DYRK1A: variants seen among roughly 807,000 people sequenced by gnomAD.
DYRK1A encodes dual specificity tyrosine-phosphorylation-regulated kinase 1A.
DYRK1A carries 9 observed loss-of-function variants against 79.7 expected under a neutral mutation model. The ratio of observed to expected loss-of-function variants is 0.11; its 90% CI spans 0.07 to 0.20. The LOEUF is 0.20. Among genes scored for constraint, DYRK1A ranks in the 10% least tolerant of loss-of-function variants. The probability of loss-of-function intolerance (pLI) is 1.00; values close to 1 mark genes in which losing one functional copy is unlikely to be tolerated. For missense variants in DYRK1A, 622 were observed against 956.0 expected, an observed-to-expected ratio of 0.65 and a Z score of 4.61; for synonymous variants, 349 against 329.7, an observed-to-expected ratio of 1.06 and a Z score of -0.63.
At chr21:37,442,042 T>C (rs1569325023) in intron 2 of DYRK1A, among the ~76,000 whole-genome samples, 1 of 151,918 alleles carries the variant, frequency 6.6e-6, no homozygotes, top group Non-Finnish European at 1.5e-5. Flanking sequence ...TTTAAAAATG[T>C]TGCTGCACCA....
chr21:37,385,459 C>T (rs1406964007), intron 1 of DYRK1A, among the ~76,000 whole-genome samples: 1 of 152,194 alleles, frequency 6.6e-6, no homozygotes, highest in Non-Finnish European at 1.5e-5. Context: ...GCCATGTGGT[C>T]CTTTCTGACA....
At chr21:37,496,022 G>A (rs1314045822) in intron 8 of DYRK1A, 96 bp from the exon 9 acceptor site, 9 of 1,208,422 alleles carry the variant, frequency 7.4e-6, no homozygotes, top group South Asian at 2.9e-5. Flanking sequence ...CAGACACACA[G>A]GAGGTGTGCA....
chr21:37,435,608 AC>A (rs1310967191), intron 2 of DYRK1A, among the ~76,000 whole-genome samples: 1 of 152,226 alleles, frequency 6.6e-6, no homozygotes, highest in East Asian at 1.9e-4. Flanking sequence ...TTAAAATATA[AC>A]TCAGGTAGCA....
intron 2 of DYRK1A, among the ~76,000 whole-genome samples, chr21:37,448,248 A>G (rs1451579292): frequency 6.6e-6 from 1 of 152,200 alleles, no homozygotes; most frequent in African/African-American, 2.4e-5. Context: ...GTTTTTCTAA[A>G]TAGTTTTAGA....
chr21:37,418,097 T>G (rs1029235042), intron 1 of DYRK1A, among the ~76,000 whole-genome samples: 2 of 152,218 alleles, frequency 1.3e-5, no homozygotes, highest in African/African-American at 4.8e-5. Context: ...TATCTGCTTA[T>G]TGTCATATAA....
chr21:37,411,049 TA>T (rs35292922), intron 1 of DYRK1A, among the ~76,000 whole-genome samples: 13,314 of 56,086 alleles, frequency 0.24, 1,422 homozygotes, highest in East Asian at 0.49. Context: ...ATTCTGTCTT[TA>T]AAAAAAAAAA....
In DYRK1A at chr21:37,400,269, A is replaced by C. The variant is rs372787616; in HGVS notation, c.-76-20030A>C. Among the ~76,000 whole-genome samples, 35 of 152,288 alleles carry C rather than the reference A, an allele frequency of 2.3e-4. No homozygotes were observed. In the South Asian group the frequency reaches 6.8e-3, roughly 30 times the overall value. On this transcript the variant is annotated intron_variant, in intron 1 of 11. Transcript: ENST00000647188. ...CATTTAGGGCCCACCTTGATGATGA[A>C]GGATAATCCCCTCATCTCAAGATTC... is the stretch of plus-strand genomic sequence containing the variant.
At chr21:37,397,092 A>G (rs1303507562) in intron 1 of DYRK1A, among the ~76,000 whole-genome samples, 1 of 152,212 alleles carries the variant, frequency 6.6e-6, no homozygotes, top group African/African-American at 2.4e-5. Flanking sequence ...CAGTGTCCTA[A>G]GGCCCAGAAG....
rs369295452 is a variant in DYRK1A at position 37,446,624 on chromosome 21, G to C, written c.11-26060G>C. 4.1e-4 allele frequency among the ~76,000 whole-genome samples: 61 copies of C among 150,458 alleles called. 1 individual carries two copies. In the South Asian group the frequency reaches 0.013, roughly 32 times the overall value. ...TTGAGTGGTGTTTCAGAGTTTACAA[G>C]TGTGCTCACACGTGTTACCTCACGT... On this transcript the variant is annotated intron_variant, in intron 2 of 11. Coordinates refer to ENST00000647188, the MANE Select transcript of DYRK1A (RefSeq NM_001347721.2).
At chr21:37,397,068 T>C (rs1681796461) in intron 1 of DYRK1A, among the ~76,000 whole-genome samples, 1 of 152,184 alleles carries the variant, frequency 6.6e-6, no homozygotes, top group South Asian at 2.1e-4. Context: ...AGAGACAGAA[T>C]AGAAATGCTC....
rs375520848 is a variant in DYRK1A, at chr21:37,374,022, T to C, written c.-77+6394T>C. Among the ~76,000 whole-genome samples the C allele has an allele frequency of 4.8e-4, 73 of 152,342 alleles. 2 individuals are homozygous for C. The highest frequency in any genetic ancestry group is 1.6e-3 in the African/African-American group (66 of 41,576). On this transcript the variant is annotated intron_variant, in intron 1 of 11. Transcript: ENST00000647188. ...GACCGTTATGCAAAATATAAGTAAG[T>C]GGTCAGATTAGAAAAATGTAGCTAT...
chr21:37,501,302 C>G (rs1460580862), intron 9 of DYRK1A: 1 of 151,720 alleles, frequency 6.6e-6, no homozygotes, highest in African/African-American at 2.4e-5. Context: ...TCCCAAGTAG[C>G]TGGGACTACA....
chr21:37,508,291 T>G (rs1452330812), intron 11 of DYRK1A, among the ~76,000 whole-genome samples: 1 of 152,158 alleles, frequency 6.6e-6, no homozygotes, highest in Non-Finnish European at 1.5e-5. Flanking sequence ...TTCCCTACTT[T>G]TTTTCTCCCC....
rs1437217043 is a variant in DYRK1A at position 37,519,743 on chromosome 21, T to TTTTTGTTTTGTTTTGTTTTGTTTTG, written c.*7216_*7217insGTTTTGTTTTGTTTTGTTTTGTTTT. The stretch of plus-strand genomic sequence containing the variant: ...TGAGGTTTGTTGTGGGAAGTTTTTT[T>TTTTTGTTTTGTTTTGTTTTGTTTTG]TTTTTTTTTTTTTTTTGAGGCGGAG... On this transcript the variant is annotated 3_prime_UTR_variant, in exon 12 of 12. Coordinates refer to ENST00000647188, the MANE Select transcript of DYRK1A (RefSeq NM_001347721.2). The TTTTTGTTTTGTTTTGTTTTGTTTTG allele has an allele frequency of 5.5e-5, 4 of 73,346 alleles. No individual in the cohort carries two copies. The highest frequency in any genetic ancestry group is 1.2e-4 in the Admixed American group (1 of 8,304). The allele number at this position is 73,346 out of a possible 1,614,324, so 4.5% of individuals were successfully genotyped here.
intron 1 of DYRK1A, among the ~76,000 whole-genome samples, chr21:37,370,413 TA>T (rs1287568099): frequency 6.6e-6 from 1 of 152,158 alleles, no homozygotes; most frequent in Non-Finnish European, 1.5e-5. Flanking sequence ...AACTGTATTA[TA>T]GGCGAGAAGG....
chr21:37,502,560 T>A (rs2053481816), intron 9 of DYRK1A: 2 of 152,208 alleles, frequency 1.3e-5, no homozygotes, highest in Non-Finnish European at 2.9e-5. Context: ...TGTATTACTT[T>A]TGCATGTTAT....
chr21:37,500,366 A>G (rs1485169070), intron 9 of DYRK1A, among the ~76,000 whole-genome samples: 1 of 152,146 alleles, frequency 6.6e-6, no homozygotes, highest in Non-Finnish European at 1.5e-5. Context: ...TGCTCAGTTC[A>G]ATTTGCTAAT....
chr21:37,370,884 A>G (rs754039139), intron 1 of DYRK1A, among the ~76,000 whole-genome samples: 1 of 152,208 alleles, frequency 6.6e-6, no homozygotes, highest in Admixed American at 6.5e-5. Context: ...TTGCTCTGTG[A>G]AAGTGAATTG....
At chr21:37,417,529 C>CTTTTTTTTTTTTTTTTTTTT (rs3216074) in intron 1 of DYRK1A, among the ~76,000 whole-genome samples, 2 of 44,042 alleles carry the variant, frequency 4.5e-5, no homozygotes, top group Non-Finnish European at 7.8e-5. Flanking sequence ...TTTTCTTTTT[C>CTTTTTTTTTTTTTTTTTTTT]TTTTTTTTTT....
Sources: allele counts gnomAD v4.1 joint callset (sites outside exome capture counted in the v4.1 genomes callset), GRCh38; gene constraint gnomAD v4.1.1; transcripts MANE v1.5; gene names NCBI Gene and HGNC (gene_info 2026-07-23, HGNC 2026-07-21).